The following TUB variants were observed in gnomAD, a reference collection of about 807,000 sequenced individuals.
TUB encodes the protein tubby protein homolog.
Under a neutral mutation model 59.7 loss-of-function variants are expected in TUB, and 33 were observed. The ratio of observed to expected loss-of-function variants is 0.55; its 90% CI spans 0.42 to 0.74. The LOEUF is 0.74. TUB is among the 30% of genes least tolerant of loss of function. The pLI, the probability that TUB is intolerant of heterozygous loss-of-function variation, is 0.00. For missense variants in TUB, 659 were observed against 672.0 expected (o/e 0.98, Z 0.21); for synonymous variants, 293 against 256.4 (o/e 1.14, Z -1.36).
At chr11:8,038,730 G>C in exon 1 of TUB, 1 of 1,497,294 alleles carries the variant, frequency 6.7e-7, no homozygotes, top group Non-Finnish European at 8.9e-7. Context: ...TTGTTAGTCT[G>C]ACTGTTGCCA....
intron 2 of TUB, among the ~76,000 whole-genome samples, chr11:8,067,234 A>G (rs1943262255): frequency 1.3e-5 from 2 of 152,176 alleles, no homozygotes; most frequent in African/African-American, 2.4e-5. Context: ...GGCACAGGGC[A>G]TTGTTGCTCC....
chr11:8,030,984 T>C (rs751211354), intron 1 of TUB, among the ~76,000 whole-genome samples: 60 of 152,262 alleles, frequency 3.9e-4, no homozygotes, highest in Middle Eastern at 3.4e-3. Context: ...TTTTGGGTGT[T>C]ATTTCGTCCT....
intron 2 of TUB, among the ~76,000 whole-genome samples, chr11:8,052,676 C>T (rs954211346): frequency 3.9e-5 from 6 of 151,984 alleles, no homozygotes; most frequent in African/African-American, 1.2e-4. Context: ...GAGGTTTCAC[C>T]GTGTTAGCCA....
chr11:8,104,403 C>T lies in TUB; in HGVS notation c.*2784C>T, dbSNP rs1944439129. The T allele has an allele frequency of 6.6e-6, 1 of 152,260 alleles. No individual in the cohort carries two copies. The allele number at this position is 152,260 out of a possible 1,614,324, so 9.4% of individuals were successfully genotyped here. Reference sequence around the variant, plus strand: ...TCTAGCTTTCCTTTCCTTCTGGCTCCAAGGTGCTCTGTGTCCGTCTGTGTA... The same window carrying T: ...TCTAGCTTTCCTTTCCTTCTGGCTCTAAGGTGCTCTGTGTCCGTCTGTGTA... On this transcript the variant is annotated 3_prime_UTR_variant, in exon 12 of 12. Transcript: ENST00000299506.
rs1006921809 is a variant in TUB, at chr11:8,104,929, T to G, written c.*3310T>G. 2.0e-5 allele frequency: 3 copies of G among 147,776 alleles called. No homozygotes were observed. The highest frequency in any genetic ancestry group is 7.5e-5 in the African/African-American group (3 of 39,894). The allele number at this position is 147,776 out of a possible 1,614,324, so 9.2% of individuals were successfully genotyped here. On this transcript the variant is annotated 3_prime_UTR_variant, in exon 12 of 12. Transcript: ENST00000299506. ...GCACAAAATTCTAGAAGCAGAAGGTTGTTTTTTTTTTTTTTTCTCCATTCT... is the reference window on the plus strand; with the variant it reads ...GCACAAAATTCTAGAAGCAGAAGGTGGTTTTTTTTTTTTTTTCTCCATTCT...
intron 2 of TUB, among the ~76,000 whole-genome samples, chr11:8,046,383 C>G (rs1942833503): frequency 6.6e-6 from 1 of 152,168 alleles, no homozygotes; most frequent in Non-Finnish European, 1.5e-5. Context: ...AGTGCTTACT[C>G]TACATTCCCA....
intron 2 of TUB, among the ~76,000 whole-genome samples, chr11:8,063,764 T>C (rs1178906178): frequency 6.6e-6 from 1 of 152,244 alleles, no homozygotes; most frequent in Non-Finnish European, 1.5e-5. Flanking sequence ...TCTTGTCACA[T>C]ATTACTAGAT....
At chr11:8,022,166 C>G (rs1298300181) in intron 1 of TUB, among the ~76,000 whole-genome samples, 7 of 152,174 alleles carry the variant, frequency 4.6e-5, no homozygotes, top group African/African-American at 1.2e-4. Context: ...TTTGTCTACT[C>G]TCCAAAAGCA....
chr11:8,037,445 C>T (rs1942663920), upstream of TUB, among the ~76,000 whole-genome samples: 1 of 152,192 alleles, frequency 6.6e-6, no homozygotes, highest in African/African-American at 2.4e-5. Flanking sequence ...CACTTACAGT[C>T]TGTCTGCTTA....
In TUB at chr11:8,023,589, G is replaced by A. The variant is rs139197619; in HGVS notation, c.56+4231G>A. On this transcript the variant is annotated intron_variant, in intron 1 of 11. Coordinates refer to the TUB transcript ENST00000534099. ...CCCACATCTCTAAATGCCTGTAGACGTCTCCATCTAGACATTCAGCCAACA... is the reference window on the plus strand; with the variant it reads ...CCCACATCTCTAAATGCCTGTAGACATCTCCATCTAGACATTCAGCCAACA... Among the ~76,000 whole-genome samples, 1,182 of 152,236 alleles carry A rather than the reference G, an allele frequency of 7.8e-3. 19 individuals carry two copies. Among genetic ancestry groups the A allele is most frequent in the African/African-American group, 0.027 (1,128 of 41,528 alleles).
chr11:8,056,246 G>A (rs1471693285), intron 2 of TUB, among the ~76,000 whole-genome samples: 1 of 152,166 alleles, frequency 6.6e-6, no homozygotes, highest in Non-Finnish European at 1.5e-5. Context: ...CTACCAGGAT[G>A]CCCCTCACTC....
At chr11:8,099,332 C>T (rs575663882) in intron 9 of TUB, among the ~76,000 whole-genome samples, 9 of 152,290 alleles carry the variant, frequency 5.9e-5, no homozygotes, top group African/African-American at 1.7e-4. Context: ...AGCTCAAAAA[C>T]GACCAAACTG....
chr11:8,104,075 C>G lies in TUB; in HGVS notation c.*2456C>G, dbSNP rs1216448069. ...TCCTGGTGATCCTGGTTTTCCTTGACCACTGGCCCTGGGGCCATGGGTGCA... is the reference window on the plus strand; with the variant it reads ...TCCTGGTGATCCTGGTTTTCCTTGAGCACTGGCCCTGGGGCCATGGGTGCA... On this transcript the variant is annotated 3_prime_UTR_variant, in exon 12 of 12. Coordinates refer to ENST00000299506, the MANE Select transcript of TUB (RefSeq NM_177972.3). 1 of 152,236 alleles carries G rather than the reference C, an allele frequency of 6.6e-6. No individual in the cohort carries two copies. The highest frequency in any genetic ancestry group is 1.9e-4 in the East Asian group (1 of 5,198). The allele number at this position is 152,236 out of a possible 1,614,324, so 9.4% of individuals were successfully genotyped here.
At chr11:8,039,479 A>G (rs1025990610) in intron 1 of TUB, 16 of 549,000 alleles carry the variant, frequency 2.9e-5, no homozygotes, top group South Asian at 1.6e-4. Flanking sequence ...TGAGCACTCT[A>G]TGGAAGTCCC....
At chr11:8,082,175 T>G (rs1943581883) in intron 1 of TUB, among the ~76,000 whole-genome samples, 1 of 152,204 alleles carries the variant, frequency 6.6e-6, no homozygotes, top group African/African-American at 2.4e-5. Context: ...TCAGTCTCTT[T>G]CAGACACTGA....
At chr11:8,091,273 C>T (rs1381031414) in intron 3 of TUB, among the ~76,000 whole-genome samples, 1 of 152,178 alleles carries the variant, frequency 6.6e-6, no homozygotes, top group Non-Finnish European at 1.5e-5. Flanking sequence ...GCAGGTGGGT[C>T]TCACTTGCCT....
chr11:8,099,741 A>G (rs1290088530), intron 9 of TUB, among the ~76,000 whole-genome samples: 1 of 152,246 alleles, frequency 6.6e-6, no homozygotes, highest in Non-Finnish European at 1.5e-5. Context: ...GGTATGTGTG[A>G]GAATTTCAGA....
At chr11:8,081,025 T>A (rs1943544932), upstream of TUB, among the ~76,000 whole-genome samples, 1 of 152,022 alleles carries the variant, frequency 6.6e-6, no homozygotes, top group Admixed American at 6.5e-5. Flanking sequence ...CTGGCCCGGC[T>A]GCAGCGCCGC....
chr11:8,026,598 C>G (rs553426682), intron 1 of TUB, among the ~76,000 whole-genome samples: 2 of 152,108 alleles, frequency 1.3e-5, no homozygotes, highest in East Asian at 3.9e-4. Context: ...AGTTTATACT[C>G]TCTACTCTGT....
Sources: allele counts gnomAD v4.1 joint callset (sites outside exome capture counted in the v4.1 genomes callset), GRCh38; gene constraint gnomAD v4.1.1; transcripts MANE v1.5; gene names NCBI Gene and HGNC (gene_info 2026-07-23, HGNC 2026-07-21).